The following TENM3 variants were observed in gnomAD, a reference collection of about 807,000 sequenced individuals.
TENM3 encodes the protein teneurin transmembrane protein 3.
In TENM3, 63 loss-of-function variants were observed where a neutral mutation model predicts 255.1. That is an observed-to-expected ratio of 0.25 (90% CI 0.20 to 0.30). TENM3 has a LOEUF of 0.30. Ranked by LOEUF, TENM3 falls within the 10% of genes least tolerant of loss-of-function variation. The probability of loss-of-function intolerance (pLI) is 1.00; values close to 1 mark genes in which losing one functional copy is unlikely to be tolerated. For synonymous variants in TENM3, 1,306 were observed against 1,322.3 expected, an observed-to-expected ratio of 0.99 and a Z score of 0.27; for missense variants, 2,929 against 3,461.1, an observed-to-expected ratio of 0.85 and a Z score of 3.86.
intron 1 of TENM3, among the ~76,000 whole-genome samples, chr4:182,323,571 A>G (rs1415458285): frequency 6.6e-6 from 1 of 152,184 alleles, no homozygotes; most frequent in Non-Finnish European, 1.5e-5. Context: ...GAATGGAGAA[A>G]TGCTATAAAG....
At chr4:181,570,468 T>C in the TENM3 span, among the ~76,000 whole-genome samples, 1 of 149,762 alleles carries the variant, frequency 6.7e-6, no homozygotes, top group Non-Finnish European at 1.5e-5. Flanking sequence ...ACCATTGCAC[T>C]ACATCCTGGG....
At chr4:182,389,733 T>G (rs1332274493) in intron 3 of TENM3, among the ~76,000 whole-genome samples, 1 of 132,032 alleles carries the variant, frequency 7.6e-6, no homozygotes, top group Non-Finnish European at 1.6e-5. Flanking sequence ...TCGCCCAGGC[T>G]GGAGTGCAGT....
At chr4:181,831,642 G>A in the TENM3 span, among the ~76,000 whole-genome samples, 7 of 151,908 alleles carry the variant, frequency 4.6e-5, 1 homozygote, top group African/African-American at 7.3e-5. Flanking sequence ...AAAAAACTAG[G>A]AATGTTACAA....
At chr4:182,333,947 T>A (rs1334151370) in intron 2 of TENM3, among the ~76,000 whole-genome samples, 2 of 152,182 alleles carry the variant, frequency 1.3e-5, no homozygotes, top group Non-Finnish European at 2.9e-5. Context: ...CCACATGACC[T>A]GTGTGTGAAT....
At chr4:182,259,034 C>T (rs1047761250) in intron 1 of TENM3, among the ~76,000 whole-genome samples, 18 of 152,278 alleles carry the variant, frequency 1.2e-4, no homozygotes, top group Admixed American at 7.2e-4. Context: ...AAGGCAGATA[C>T]CTTTGTCTAT....
At chr4:182,680,142 T>C in intron 8 of TENM3, 106 bp from the exon 9 acceptor site, 2 of 868,372 alleles carry the variant, frequency 2.3e-6, no homozygotes, top group Non-Finnish European at 3.8e-6. Context: ...AGTGCTTTGC[T>C]TTACTACTCA....
chr4:181,642,381 A>G, the TENM3 span, among the ~76,000 whole-genome samples: 1,079 of 152,176 alleles, frequency 7.1e-3, 22 homozygotes, highest in African/African-American at 0.025. Context: ...TCCCTTTGTC[A>G]GTTGGATAGA....
chr4:181,603,542 T>G, the TENM3 span, among the ~76,000 whole-genome samples: 1 of 152,088 alleles, frequency 6.6e-6, no homozygotes, highest in African/African-American at 2.4e-5. Flanking sequence ...GAAAAGCAAA[T>G]ACAGCAGCAG....
chr4:181,922,815 A>G, the TENM3 span, among the ~76,000 whole-genome samples: 1 of 150,846 alleles, frequency 6.6e-6, no homozygotes, highest in African/African-American at 2.4e-5. Context: ...TAGTTCTTTT[A>G]ATTGTGATGT....
At chr4:181,919,174 C>T in the TENM3 span, among the ~76,000 whole-genome samples, 4 of 152,062 alleles carry the variant, frequency 2.6e-5, no homozygotes, top group East Asian at 7.7e-4. Context: ...TTGTAAATTC[C>T]TTGTAAACTT....
chr4:182,159,340 A>G (rs892049628), intron 1 of TENM3, among the ~76,000 whole-genome samples: 1 of 152,182 alleles, frequency 6.6e-6, no homozygotes, highest in African/African-American at 2.4e-5. Flanking sequence ...TGAAATTGAG[A>G]TGTTAAACAT....
chr4:182,663,424 CAT>C (rs1754389640), intron 6 of TENM3, among the ~76,000 whole-genome samples: 1 of 151,978 alleles, frequency 6.6e-6, no homozygotes, highest in Non-Finnish European at 1.5e-5. Context: ...ATGTGTTAAA[CAT>C]GTTGATAATT....
At chr4:181,563,856 T>C in the TENM3 span, among the ~76,000 whole-genome samples, 1 of 152,114 alleles carries the variant, frequency 6.6e-6, no homozygotes, top group Non-Finnish European at 1.5e-5. Flanking sequence ...AATCTAACCA[T>C]ACAGTAGACC....
At chr4:182,330,181 G>A (rs1763658275) in intron 2 of TENM3, among the ~76,000 whole-genome samples, 1 of 152,182 alleles carries the variant, frequency 6.6e-6, no homozygotes, top group South Asian at 2.1e-4. Flanking sequence ...ACAAAAGACA[G>A]ATTAACAAGA....
the TENM3 span, among the ~76,000 whole-genome samples, chr4:181,630,719 T>G: frequency 2.0e-5 from 3 of 152,204 alleles, no homozygotes; most frequent in Admixed American, 2.0e-4. Flanking sequence ...TGTTAAAATT[T>G]CTGTTATTTT....
the TENM3 span, among the ~76,000 whole-genome samples, chr4:181,958,058 T>A: frequency 3.7e-3 from 557 of 152,354 alleles, 13 homozygotes; most frequent in East Asian, 0.09. Context: ...AACTCACAAG[T>A]AAGCTTCTTT....
the TENM3 span, among the ~76,000 whole-genome samples, chr4:181,765,548 G>T: frequency 6.6e-6 from 1 of 152,070 alleles, no homozygotes; most frequent in Non-Finnish European, 1.5e-5. Context: ...AACATAAGAT[G>T]ACCTCACAAA....
intron 12 of TENM3, among the ~76,000 whole-genome samples, chr4:182,708,670 C>T (rs527949719): frequency 9.2e-5 from 14 of 152,066 alleles, no homozygotes; most frequent in East Asian, 2.0e-4. Context: ...TGGTGGCGGG[C>T]GCCTGTAGTC....
chr4:182,802,915 T>C lies in TENM3; in HGVS notation c.*2564T>C, dbSNP rs62336285. ...TTTGAGATGTAAATTTTGTCTGATT[T>C]GTATTGTTCTTTTCATTTGCCTTCT... On this transcript the variant is annotated 3_prime_UTR_variant, in exon 28 of 28. Transcript: ENST00000511685. The C allele has an allele frequency of 0.047, 7,121 of 152,738 alleles. 240 individuals carry two copies. The highest frequency in any genetic ancestry group is 0.068 in the Non-Finnish European group (4,612 of 68,032). The allele number at this position is 152,738 out of a possible 1,614,324, so 9.5% of individuals were successfully genotyped here. A position where few individuals can be genotyped will look rare whatever the true frequency, so the allele number is the denominator to read the frequency against.
Sources: gnomAD v4.1 joint callset for allele counts (sites outside exome capture counted in the v4.1 genomes callset) on GRCh38, gnomAD v4.1.1 for gene constraint, MANE v1.5 for transcripts, NCBI Gene and HGNC (gene_info 2026-07-23, HGNC 2026-07-21) for gene names.